ROBO1: variants seen among roughly 807,000 people sequenced by gnomAD.
ROBO1 encodes roundabout homolog 1.
A neutral mutation model predicts 195.9 loss-of-function variants in ROBO1; 149 were observed. The ratio of observed to expected loss-of-function variants is 0.76; its 90% CI spans 0.67 to 0.87. The LOEUF is 0.87. Among genes scored for constraint, ROBO1 ranks in the 40% least tolerant of loss-of-function variants. The probability of loss-of-function intolerance (pLI) is 0.00; values close to 1 mark genes in which losing one functional copy is unlikely to be tolerated. For missense variants in ROBO1, 1,933 were observed against 2,068.3 expected (o/e 0.93, Z 1.27); for synonymous variants, 816 against 733.2 (o/e 1.11, Z -1.82).
chr3:79,268,666 T>A (rs1477751875), intron 2 of ROBO1, among the ~76,000 whole-genome samples: 1 of 151,644 alleles, frequency 6.6e-6, no homozygotes, highest in African/African-American at 2.4e-5. Flanking sequence ...GACTTCCATA[T>A]CCGTTTGGTG....
chr3:79,124,376 A>G (rs953147334), intron 3 of ROBO1, among the ~76,000 whole-genome samples: 6 of 152,190 alleles, frequency 3.9e-5, no homozygotes, highest in African/African-American at 1.4e-4. Flanking sequence ...AAAACCTACA[A>G]TTATGTAGGC....
intron 1 of ROBO1, among the ~76,000 whole-genome samples, chr3:79,622,661 G>C (rs368139605): frequency 3.9e-5 from 6 of 152,338 alleles, no homozygotes; most frequent in African/African-American, 1.4e-4. Flanking sequence ...TCCAGCCAGA[G>C]GCTCAGGGAT....
At chr3:79,208,692 T>A (rs1383455154) in intron 2 of ROBO1, among the ~76,000 whole-genome samples, 1 of 143,464 alleles carries the variant, frequency 7.0e-6, no homozygotes, top group East Asian at 2.0e-4. Flanking sequence ...GGGGCATGTG[T>A]GTGTGTGTGT....
At chr3:78,699,379 G>A (rs575914379) in intron 8 of ROBO1, among the ~76,000 whole-genome samples, 23 of 122,790 alleles carry the variant, frequency 1.9e-4, no homozygotes, top group African/African-American at 3.7e-4. Context: ...GGGAAACCCC[G>A]TCTCTACTAA....
At chr3:79,271,390 G>A (rs531842948) in intron 2 of ROBO1, among the ~76,000 whole-genome samples, 31 of 152,082 alleles carry the variant, frequency 2.0e-4, no homozygotes, top group African/African-American at 7.5e-4. Context: ...AGCTGCCTTT[G>A]ATACAGAATT....
chr3:78,943,379 A>G (rs2040246923), intron 3 of ROBO1, among the ~76,000 whole-genome samples: 1 of 152,190 alleles, frequency 6.6e-6, no homozygotes, highest in Non-Finnish European at 1.5e-5. Flanking sequence ...GCAGTCCCCT[A>G]TAGCGAAACC....
chr3:79,350,781 G>A (rs1032084613), intron 2 of ROBO1, among the ~76,000 whole-genome samples: 3 of 152,110 alleles, frequency 2.0e-5, no homozygotes, highest in Non-Finnish European at 4.4e-5. Flanking sequence ...TTAGTGCTGA[G>A]GGGATTGGAG....
In ROBO1 at chr3:78,670,295, G is replaced by T; in HGVS notation, c.1349C>A (p.Ala450Glu). 1 of 1,558,720 alleles carries T rather than the reference G, an allele frequency of 6.4e-7. No homozygotes were observed. The highest frequency in any genetic ancestry group is 8.7e-7 in the Non-Finnish European group (1 of 1,150,690). Reference sequence around the variant, plus strand: ...TCGAATAACTGGGGGAGGCCGATCTGCAATCACTGCCAGAAGAAACAACAG... The same window carrying T: ...TCGAATAACTGGGGGAGGCCGATCTTCAATCACTGCCAGAAGAAACAACAG... ...KAYLEVTDVI[A>E]DRPPPVIRQG... The change falls in exon 11 of 31, where the codon GCA becomes GAA. Residue 450 changes from alanine (A) to glutamate (E), a missense_variant. By Grantham distance (107) the Ala-to-Glu change is moderately radical. Transcript: ENST00000464233.
rs1277791258 is a variant in ROBO1 at position 78,753,173 on chromosome 3, C to G, written c.500-6273G>C. ...AGAATTACCAGAATAAAAACAATTA[C>G]TAGCAAATTGTTTATTTACATACTG... On this transcript the variant is annotated intron_variant, in intron 4 of 30. Transcript: ENST00000464233. Among the ~76,000 whole-genome samples the G allele has an allele frequency of 2.0e-5, 3 of 152,272 alleles. No individual in the cohort carries two copies. The East Asian group carries it at 5.8e-4, about 29-fold the overall frequency.
intron 2 of ROBO1, among the ~76,000 whole-genome samples, chr3:79,525,795 G>A (rs1941410483): frequency 2.0e-5 from 3 of 151,600 alleles, no homozygotes; most frequent in African/African-American, 4.8e-5. Context: ...TAGTAGAGAC[G>A]GAGTTTCGCC....
intron 4 of ROBO1, among the ~76,000 whole-genome samples, chr3:78,795,356 C>T (rs1389855433): frequency 6.6e-6 from 1 of 152,230 alleles, no homozygotes; most frequent in East Asian, 1.9e-4. Flanking sequence ...TTACGGCCTC[C>T]CCCTCCCATA....
chr3:79,569,723 G>C (rs1201608530), intron 2 of ROBO1, among the ~76,000 whole-genome samples: 1 of 150,780 alleles, frequency 6.6e-6, no homozygotes, highest in East Asian at 1.9e-4. Context: ...ATATATATGT[G>C]TGTGTATGTG....
intron 3 of ROBO1, among the ~76,000 whole-genome samples, chr3:78,982,820 T>C (rs1014374905): frequency 1.3e-5 from 2 of 152,130 alleles, no homozygotes; most frequent in African/African-American, 2.4e-5. Context: ...GGTTTCACCA[T>C]GTTGGTCAGG....
chr3:79,612,036 A>AT (rs1187248066), intron 1 of ROBO1, among the ~76,000 whole-genome samples: 1 of 71,380 alleles, frequency 1.4e-5, no homozygotes. Flanking sequence ...TTTTTTTATT[A>AT]TTTTTTTATA....
Position 78,897,936 on chromosome 3 carries a change from G to A in ROBO1, c.499+40665C>T, listed in dbSNP as rs189537654. On this transcript the variant is annotated intron_variant, in intron 4 of 30. Transcript: ENST00000464233. Reference sequence around the variant, plus strand: ...TTGCATAGTGAAAGGTAGAACTCATGTGATATAGTTAGTAAACCAAAATAC... The same window carrying A: ...TTGCATAGTGAAAGGTAGAACTCATATGATATAGTTAGTAAACCAAAATAC... Among the ~76,000 whole-genome samples the A allele has an allele frequency of 7.1e-4, 108 of 151,888 alleles. 3 individuals are homozygous for A. Among genetic ancestry groups the A allele is most frequent in the East Asian group, 6.2e-3 (32 of 5,174 alleles).
intron 1 of ROBO1, among the ~76,000 whole-genome samples, chr3:79,630,128 CTG>C (rs1945295159): frequency 6.6e-6 from 1 of 151,924 alleles, no homozygotes; most frequent in Admixed American, 6.6e-5. Context: ...AGAGATTTCT[CTG>C]TAATTCATTC....
intron 3 of ROBO1, among the ~76,000 whole-genome samples, chr3:78,991,354 G>C (rs925696998): frequency 5.3e-5 from 8 of 152,184 alleles, no homozygotes; most frequent in African/African-American, 1.9e-4. Flanking sequence ...TGTTGAAGTA[G>C]CTTTGGAAAC....
chr3:78,717,795 C>A lies in ROBO1; in HGVS notation c.746G>T (p.Arg249Leu), dbSNP rs745910529. Residue 249 changes from arginine (R) to leucine (L), a missense_variant, in exon 6 of 31, where the codon CGT becomes CTT. By Grantham distance (102) the Arg-to-Leu change is moderately radical. Coordinates refer to ENST00000464233, the MANE Select transcript of ROBO1 (RefSeq NM_002941.4). ...AGTCAGCTCGGCTACTTCACTCTCACGTTCCCCAACCATATTGGTACCAAC... is the reference window on the plus strand; with the variant it reads ...AGTCAGCTCGGCTACTTCACTCTCAAGTTCCCCAACCATATTGGTACCAAC... ...VCVGTNMVGE[R>L]ESEVAELTVL... The A allele has an allele frequency of 6.2e-6, 10 of 1,613,706 alleles. No homozygotes were observed. Among genetic ancestry groups the A allele is most frequent in the Non-Finnish European group, 3.4e-6 (4 of 1,179,736 alleles).
intron 2 of ROBO1, among the ~76,000 whole-genome samples, chr3:79,149,787 AG>A (rs1401901963): frequency 2.6e-5 from 4 of 151,740 alleles, no homozygotes; most frequent in Non-Finnish European, 4.4e-5. Context: ...GTCTGAAGTT[AG>A]GCATGTCCAT....
Sources: gnomAD v4.1 joint callset for allele counts (sites outside exome capture counted in the v4.1 genomes callset) on GRCh38, gnomAD v4.1.1 for gene constraint, MANE v1.5 for transcripts, NCBI Gene and HGNC (gene_info 2026-07-23, HGNC 2026-07-21) for gene names.